Variants in SH3GL2 observed in about 807,000 individuals in gnomAD.
SH3GL2 encodes SH3 domain containing GRB2 like 2, endophilin A1.
Under a neutral mutation model 46.0 loss-of-function variants are expected in SH3GL2, and 24 were observed. That is an observed-to-expected ratio of 0.52 (90% CI 0.38 to 0.73). The LOEUF (loss-of-function observed/expected upper bound fraction) is 0.73, where lower values mean the gene tolerates loss of function less well. Ranked by LOEUF, SH3GL2 falls within the 30% of genes least tolerant of loss-of-function variation. The pLI is 0.00. For synonymous variants in SH3GL2, 196 were observed against 147.1 expected, an observed-to-expected ratio of 1.33 and a Z score of -2.40; for missense variants, 413 against 424.2, an observed-to-expected ratio of 0.97 and a Z score of 0.23.
At chr9:17,693,011 C>T (rs554181663) in intron 1 of SH3GL2, among the ~76,000 whole-genome samples, 1 of 152,146 alleles carries the variant, frequency 6.6e-6, no homozygotes, top group Non-Finnish European at 1.5e-5. Flanking sequence ...GTCCCTCCCA[C>T]AACACATGGG....
chr9:17,736,868 T>A (rs1459535931), intron 1 of SH3GL2, among the ~76,000 whole-genome samples: 1 of 151,934 alleles, frequency 6.6e-6, no homozygotes, highest in Non-Finnish European at 1.5e-5. Context: ...GAAAGTGAGA[T>A]GGAAGAGGGA....
At chr9:17,598,423 C>G (rs1175494003) in intron 1 of SH3GL2, among the ~76,000 whole-genome samples, 2 of 152,186 alleles carry the variant, frequency 1.3e-5, no homozygotes, top group Non-Finnish European at 2.9e-5. Context: ...AAGATCATAA[C>G]TCTGTCTCAC....
At chr9:17,783,651 A>G (rs1020475646) in intron 3 of SH3GL2, among the ~76,000 whole-genome samples, 3 of 152,092 alleles carry the variant, frequency 2.0e-5, no homozygotes, top group Non-Finnish European at 4.4e-5. Flanking sequence ...CAAAAAAGAA[A>G]CTACTCATTT....
At chr9:17,787,534 G>T in intron 5 of SH3GL2, 21 bp downstream of exon 5, 1 of 1,604,784 alleles carries the variant, frequency 6.2e-7, no homozygotes, top group Non-Finnish European at 8.5e-7. Flanking sequence ...TGAGTCTTCT[G>T]GAAAGTGGGC....
Position 17,738,628 on chromosome 9 carries a change from A to T in SH3GL2, c.46-8438A>T, listed in dbSNP as rs183019876. On this transcript the variant is annotated intron_variant, in intron 1 of 8. Coordinates refer to ENST00000380607, the MANE Select transcript of SH3GL2 (RefSeq NM_003026.5). ...TCAAGGAATTGCCTCATGTGATTTT[A>T]TATATATATATATAGAGAGAGAGAG... Among the ~76,000 whole-genome samples the T allele has an allele frequency of 1.3e-4, 8 of 60,810 alleles. No homozygotes were observed. In the South Asian group the frequency reaches 3.1e-3, roughly 23 times the overall value. The allele number at this position is 60,810 out of a possible 152,430, so 39.9% of individuals were successfully genotyped here. A position where few individuals can be genotyped will look rare whatever the true frequency, so the allele number is the denominator to read the frequency against.
At chr9:17,615,476 G>T (rs1252102858) in intron 1 of SH3GL2, among the ~76,000 whole-genome samples, 3 of 151,888 alleles carry the variant, frequency 2.0e-5, no homozygotes, top group Non-Finnish European at 4.4e-5. Flanking sequence ...CTAACACAGT[G>T]AAACCCCGTC....
intron 3 of SH3GL2, among the ~76,000 whole-genome samples, chr9:17,774,710 A>T (rs1017611155): frequency 6.6e-6 from 1 of 151,944 alleles, no homozygotes; most frequent in South Asian, 2.1e-4. Flanking sequence ...TTTTGTTGAG[A>T]ATTTTCACAA....
At chr9:17,736,510 G>T (rs1822338846) in intron 1 of SH3GL2, among the ~76,000 whole-genome samples, 1 of 152,090 alleles carries the variant, frequency 6.6e-6, no homozygotes, top group Non-Finnish European at 1.5e-5. Context: ...CTAAGGTAAA[G>T]CTTACGATTT....
At chr9:17,716,088 C>A (rs1021091209) in intron 1 of SH3GL2, among the ~76,000 whole-genome samples, 2 of 152,008 alleles carry the variant, frequency 1.3e-5, no homozygotes, top group African/African-American at 2.4e-5. Context: ...ATATATTCTA[C>A]ATCTCTATTT....
intron 1 of SH3GL2, among the ~76,000 whole-genome samples, chr9:17,624,435 T>G (rs1338244528): frequency 6.6e-6 from 1 of 152,230 alleles, no homozygotes; most frequent in Non-Finnish European, 1.5e-5. Flanking sequence ...CAGTGATAGG[T>G]GCGCAAACAT....
At chr9:17,615,084 C>G (rs965263080) in intron 1 of SH3GL2, among the ~76,000 whole-genome samples, 1 of 152,160 alleles carries the variant, frequency 6.6e-6, no homozygotes, top group African/African-American at 2.4e-5. Context: ...GACACTTGGG[C>G]TGTGTGCTGC....
chr9:17,702,954 C>T (rs1397475473), intron 1 of SH3GL2, among the ~76,000 whole-genome samples: 1 of 151,988 alleles, frequency 6.6e-6, no homozygotes, highest in African/African-American at 2.4e-5. Flanking sequence ...TTTGTTAATC[C>T]TGGATCTTGC....
At chr9:17,596,660 C>A (rs530652063) in intron 1 of SH3GL2, among the ~76,000 whole-genome samples, 4 of 152,082 alleles carry the variant, frequency 2.6e-5, no homozygotes, top group African/African-American at 9.7e-5. Context: ...AACTTGAATG[C>A]GGAACATTGT....
At chr9:17,777,863 G>C (rs1395637652) in intron 3 of SH3GL2, among the ~76,000 whole-genome samples, 1 of 151,964 alleles carries the variant, frequency 6.6e-6, no homozygotes, top group African/African-American at 2.4e-5. Context: ...ACAAATAGCA[G>C]TCTTCTTACC....
At chr9:17,692,643 C>CA (rs35932722) in intron 1 of SH3GL2, among the ~76,000 whole-genome samples, 12,502 of 147,858 alleles carry the variant, frequency 0.085, 1,686 homozygotes, top group African/African-American at 0.29. Flanking sequence ...GACTCCATCT[C>CA]AAAAAAAAAA....
chr9:17,621,922 A>AC (rs952916929), intron 1 of SH3GL2, among the ~76,000 whole-genome samples: 4 of 151,982 alleles, frequency 2.6e-5, no homozygotes, highest in African/African-American at 9.7e-5. Context: ...TTGCTCTACA[A>AC]CCCTTAATTT....
intron 1 of SH3GL2, among the ~76,000 whole-genome samples, chr9:17,687,834 T>G (rs2118102617): frequency 1.3e-5 from 2 of 152,186 alleles, no homozygotes; most frequent in East Asian, 3.9e-4. Flanking sequence ...CAAAGACCAC[T>G]TATTATCTGA....
intron 2 of SH3GL2, among the ~76,000 whole-genome samples, chr9:17,758,615 C>T (rs1823077727): frequency 7.3e-6 from 1 of 136,158 alleles, no homozygotes. Context: ...GTAGCAAGGG[C>T]CTAGGAATGG....
At chr9:17,724,395 T>C (rs1463863425) in intron 1 of SH3GL2, among the ~76,000 whole-genome samples, 1 of 152,192 alleles carries the variant, frequency 6.6e-6, no homozygotes, top group Non-Finnish European at 1.5e-5. Flanking sequence ...TGCCTTACTT[T>C]ACTTCCGTAG....
Sources: allele counts gnomAD v4.1 joint callset (sites outside exome capture counted in the v4.1 genomes callset), GRCh38; gene constraint gnomAD v4.1.1; transcripts MANE v1.5; gene names NCBI Gene and HGNC (gene_info 2026-07-23, HGNC 2026-07-21).